GABBR2: variants seen among roughly 807,000 people sequenced by gnomAD.
GABBR2 encodes the protein G-protein coupled receptor 51.
A neutral mutation model predicts 105.6 loss-of-function variants in GABBR2; 23 were observed. That is an observed-to-expected ratio of 0.22 (90% confidence interval 0.16 to 0.31). The LOEUF (loss-of-function observed/expected upper bound fraction) is 0.31. Ranked by LOEUF, GABBR2 falls within the 10% of genes least tolerant of loss-of-function variation. GABBR2 has a pLI of 1.00. For missense variants in GABBR2, 734 were observed against 1,245.5 expected, an observed-to-expected ratio of 0.59 and a Z score of 6.18; for synonymous variants, 478 against 499.7, an observed-to-expected ratio of 0.96 and a Z score of 0.58.
chr9:98,312,522 A>G (rs1201216644), intron 13 of GABBR2, among the ~76,000 whole-genome samples: 3 of 152,186 alleles, frequency 2.0e-5, no homozygotes, highest in East Asian at 1.9e-4. Flanking sequence ...TCATTTCCCC[A>G]TTTGTAATTA....
chr9:98,405,557 A>G (rs10429522), intron 8 of GABBR2, among the ~76,000 whole-genome samples: 24,619 of 152,144 alleles, frequency 0.16, 2,755 homozygotes, highest in African/African-American at 0.32. Context: ...AGGGAAGCAC[A>G]GTTATCCCTA....
intron 3 of GABBR2, among the ~76,000 whole-genome samples, chr9:98,518,578 C>T (rs867432479): frequency 1.3e-5 from 2 of 152,278 alleles, no homozygotes; most frequent in African/African-American, 2.4e-5. Flanking sequence ...ACTGGCATCC[C>T]CTGCTTCTTC....
chr9:98,367,298 T>TA (rs368200743), intron 12 of GABBR2, among the ~76,000 whole-genome samples: 14,945 of 110,054 alleles, frequency 0.14, 1,000 homozygotes, highest in Middle Eastern at 0.18. Flanking sequence ...TATATGTCAG[T>TA]AAAAAAAAAA....
At chr9:98,490,264 G>C (rs2131662013) in intron 4 of GABBR2, among the ~76,000 whole-genome samples, 1 of 152,098 alleles carries the variant, frequency 6.6e-6, no homozygotes, top group Admixed American at 6.5e-5. Flanking sequence ...TAAAAAAAAA[G>C]GGTCACAACT....
intron 1 of GABBR2, among the ~76,000 whole-genome samples, chr9:98,677,387 C>T (rs1205284378): frequency 1.3e-5 from 2 of 152,164 alleles, no homozygotes; most frequent in East Asian, 1.9e-4. Flanking sequence ...CTGGAGGATA[C>T]CTGAGACAGG....
chr9:98,617,677 G>C (rs983089863), intron 1 of GABBR2, among the ~76,000 whole-genome samples: 3 of 152,116 alleles, frequency 2.0e-5, no homozygotes, highest in African/African-American at 7.2e-5. Context: ...CTCCAGTCAC[G>C]ATCCTGAGAA....
chr9:98,665,368 A>G (rs973359175), intron 1 of GABBR2, among the ~76,000 whole-genome samples: 7 of 152,012 alleles, frequency 4.6e-5, no homozygotes, highest in African/African-American at 1.7e-4. Context: ...CACTAAGAAG[A>G]CCTCTTCAGG....
chr9:98,604,644 T>C (rs1001934371), intron 1 of GABBR2, among the ~76,000 whole-genome samples: 5 of 152,218 alleles, frequency 3.3e-5, no homozygotes, highest in African/African-American at 7.2e-5. Flanking sequence ...TGGATGCTCA[T>C]ACTAATAGAG....
intron 7 of GABBR2, among the ~76,000 whole-genome samples, chr9:98,423,923 C>A (rs529840808): frequency 2.0e-5 from 3 of 152,052 alleles, no homozygotes; most frequent in Non-Finnish European, 4.4e-5. Context: ...TGTAGATATG[C>A]GGCGTTATTT....
intron 13 of GABBR2, among the ~76,000 whole-genome samples, chr9:98,332,905 G>A (rs973793689): frequency 6.6e-6 from 1 of 152,130 alleles, no homozygotes; most frequent in African/African-American, 2.4e-5. Flanking sequence ...ATATTAAAAC[G>A]CCACATGTGG....
intron 1 of GABBR2, among the ~76,000 whole-genome samples, chr9:98,622,358 G>T (rs955573138): frequency 2.0e-5 from 3 of 152,022 alleles, no homozygotes; most frequent in Non-Finnish European, 4.4e-5. Flanking sequence ...TAGGGATGGG[G>T]CGTCACCATG....
chr9:98,562,936 G>A (rs1024679498), intron 2 of GABBR2, among the ~76,000 whole-genome samples: 5 of 151,718 alleles, frequency 3.3e-5, no homozygotes, highest in Non-Finnish European at 5.9e-5. Context: ...CGGGTATGGT[G>A]GTGTGCGCCT....
chr9:98,707,834 T>C (rs1830918588), intron 1 of GABBR2, among the ~76,000 whole-genome samples: 1 of 152,184 alleles, frequency 6.6e-6, no homozygotes, highest in Non-Finnish European at 1.5e-5. Context: ...GCAGAGCCGG[T>C]GGCCCCACAC....
intron 1 of GABBR2, among the ~76,000 whole-genome samples, chr9:98,645,866 T>G (rs747595012): frequency 7.2e-4 from 110 of 152,228 alleles, no homozygotes; most frequent in Non-Finnish European, 1.4e-3. Flanking sequence ...ATAGACTAAC[T>G]CATTTAATCC....
At chr9:98,667,982 C>T (rs1830358343) in intron 1 of GABBR2, among the ~76,000 whole-genome samples, 1 of 152,204 alleles carries the variant, frequency 6.6e-6, no homozygotes, top group Non-Finnish European at 1.5e-5. Flanking sequence ...AGCCCAGGGC[C>T]AGTGACTGGC....
chr9:98,351,228 T>G (rs1176929434), intron 13 of GABBR2, among the ~76,000 whole-genome samples: 1 of 152,228 alleles, frequency 6.6e-6, no homozygotes, highest in Non-Finnish European at 1.5e-5. Context: ...TTAAACCATT[T>G]ACATTCAATG....
In GABBR2 at chr9:98,455,110, C is replaced by T. The variant is rs138180165; in HGVS notation, c.1000-893G>A. On this transcript the variant is annotated intron_variant, in intron 6 of 18. Transcript: ENST00000259455. ...GCATCCATCCCTCCTGCTATTCCAT[C>T]TACCTTCCATAATATAACAGTCCGA... Among the ~76,000 whole-genome samples the T allele has an allele frequency of 8.3e-3, 1,263 of 152,302 alleles. 13 individuals carry two copies. Among genetic ancestry groups the T allele is most frequent in the Admixed American group, 0.016 (249 of 15,302 alleles).
At chr9:98,358,882 G>A (rs72759660) in intron 13 of GABBR2, among the ~76,000 whole-genome samples, 7,560 of 152,202 alleles carry the variant, frequency 0.05, 251 homozygotes, top group Middle Eastern at 0.12. Flanking sequence ...CTTTCCACCC[G>A]TATGTGGGGT....
chr9:98,324,566 T>C (rs1830887074), intron 13 of GABBR2, among the ~76,000 whole-genome samples: 2 of 150,818 alleles, frequency 1.3e-5, no homozygotes, highest in South Asian at 2.1e-4. Flanking sequence ...CAGAACAATA[T>C]ACTCATTTCA....
Sources: gnomAD v4.1 joint callset for allele counts (sites outside exome capture counted in the v4.1 genomes callset) on GRCh38, gnomAD v4.1.1 for gene constraint, MANE v1.5 for transcripts, NCBI Gene and HGNC (gene_info 2026-07-23, HGNC 2026-07-21) for gene names.